Variants in CACNA1B observed in about 807,000 individuals in gnomAD.
CACNA1B encodes the protein voltage-dependent N-type calcium channel subunit alpha-1B.
A neutral mutation model predicts 247.2 loss-of-function variants in CACNA1B; 70 were observed. The observed-to-expected ratio is 0.28, with a 90% CI of 0.23 to 0.35. The LOEUF is 0.35. CACNA1B is among the 10% of genes least tolerant of loss of function. The pLI is 1.00. For missense variants in CACNA1B, 2,367 were observed against 3,197.4 expected (o/e 0.74, Z 6.26); for synonymous variants, 1,231 against 1,294.4 (o/e 0.95, Z 1.05).
chr9:138,056,929 T>A (rs1959521494), intron 26 of CACNA1B, among the ~76,000 whole-genome samples: 1 of 136,750 alleles, frequency 7.3e-6, no homozygotes, highest in Admixed American at 7.0e-5. Flanking sequence ...CATTTTTTAT[T>A]TGGGTTTTTT....
Position 138,022,969 on chromosome 9 carries a change from G to C in CACNA1B, c.2268-42G>C, listed in dbSNP as rs556363752. On this transcript the variant is annotated intron_variant, in intron 18 of 46. Coordinates refer to ENST00000371372, the MANE Select transcript of CACNA1B (RefSeq NM_000718.4). Reference sequence around the variant, plus strand: ...GTGGCCTCCCTGGAGAGCGGCGGGCGGGCGGCAGACGGGGCCGCGCTCACC... The same window carrying C: ...GTGGCCTCCCTGGAGAGCGGCGGGCCGGCGGCAGACGGGGCCGCGCTCACC... The C allele has an allele frequency of 3.5e-5, 51 of 1,450,446 alleles. 1 individual carries two copies. In the South Asian group the frequency reaches 6.8e-4, roughly 19 times the overall value. 89.8% of individuals were successfully genotyped at this position (1,450,446 alleles called of 1,614,324 possible).
Position 138,073,616 on chromosome 9 carries a change from G to A in CACNA1B, c.4791+12G>A, listed in dbSNP as rs1345108582. On this transcript the variant is annotated intron_variant, in intron 33 of 46. Coordinates refer to ENST00000371372, the MANE Select transcript of CACNA1B (RefSeq NM_000718.4). The surrounding 1 kb of genome is among the most constrained non-coding windows in gnomAD (Gnocchi z 6.4). The stretch of plus-strand genomic sequence containing the variant: ...TCCAGTCCTTCAAGGTGGGCCAGGC[G>A]GGGGGCCTCCATGCTTTCTGTCCCC... 5 of 1,445,320 alleles carry A rather than the reference G, an allele frequency of 3.5e-6. No individual in the cohort carries two copies. Among genetic ancestry groups the A allele is most frequent in the East Asian group, 2.3e-5 (1 of 44,148 alleles). The allele number at this position is 1,445,320 out of a possible 1,614,324, so 89.5% of individuals were successfully genotyped here.
intron 36 of CACNA1B, among the ~76,000 whole-genome samples, chr9:138,083,038 T>C (rs1440196034): frequency 1.3e-5 from 2 of 149,634 alleles, no homozygotes; most frequent in Admixed American, 1.3e-4. Context: ...CTCGGACACC[T>C]GCAGACCCTA....
At chr9:138,077,083 C>T (rs1960348645) in intron 35 of CACNA1B, among the ~76,000 whole-genome samples, 1 of 152,226 alleles carries the variant, frequency 6.6e-6, no homozygotes, top group South Asian at 2.1e-4. Context: ...TCACAGCTTT[C>T]TGTTTCTCCC....
intron 5 of CACNA1B, among the ~76,000 whole-genome samples, chr9:137,916,566 C>T (rs554755784): frequency 9.9e-5 from 15 of 152,188 alleles, no homozygotes; most frequent in African/African-American, 1.7e-4. Flanking sequence ...AGCCACCCTC[C>T]GGGTACATGT....
In CACNA1B at chr9:138,121,792, C is replaced by T. The variant is rs371097413; in HGVS notation, c.6813C>T (p.His2271=). The T allele has an allele frequency of 3.9e-5, 63 of 1,612,912 alleles. No individual in the cohort carries two copies. The African/African-American group carries it at 5.9e-4, about 15-fold the overall frequency. ...GQRLDSEASV[H]ALPEDTLTFE... is the part of the protein sequence containing the mutation. ...GTCTGGACAGTGAGGCCTCTGTCCA[C>T]GCCCTGCCTGAGGACACTCTCACTT... The change falls in exon 47 of 47, where the codon CAC becomes CAT. Residue 2271 remains histidine, a synonymous_variant. Transcript: ENST00000371372. This position sits in a 1 kb window ranked among gnomAD's most constrained non-coding sequence, Gnocchi z 6.8.
chr9:138,124,069 A>C lies in CACNA1B; in HGVS notation c.*2070A>C, dbSNP rs201963814. The C allele has an allele frequency of 6.6e-6, 1 of 152,202 alleles. No individual in the cohort carries two copies. Among genetic ancestry groups the C allele is most frequent in the Non-Finnish European group, 1.5e-5 (1 of 68,042 alleles). 9.4% of individuals were successfully genotyped at this position (152,202 alleles called of 1,614,324 possible). On this transcript the variant is annotated 3_prime_UTR_variant, in exon 47 of 47. Transcript: ENST00000371372. The stretch of plus-strand genomic sequence containing the variant: ...TAGACTCTTCTAGGCATTGGAATTG[A>C]TGAAAACTACAGGGAGCGGGGAAAG...
rs771869847 is a variant in CACNA1B at position 138,112,468 on chromosome 9, C to G, written c.5499C>G (p.Pro1833=). The G allele has an allele frequency of 3.0e-5, 49 of 1,613,212 alleles. 1 individual carries two copies. In the Middle Eastern group the frequency reaches 8.2e-4, roughly 27 times the overall value. The change falls in exon 40 of 47, where the codon CCC becomes CCG. Residue 1833 remains proline, a synonymous_variant. Transcript: ENST00000371372. ...TTTCCGTTGTGTGGGCCAATCTGCCCCAGAAGACTTTGGACTTGCTGGTAC... is the reference window on the plus strand; with the variant it reads ...TTTCCGTTGTGTGGGCCAATCTGCCGCAGAAGACTTTGGACTTGCTGGTAC... The part of the protein sequence containing the change: ...KEISVVWANL[P]QKTLDLLVPP...
chr9:137,954,856 T>TGTGTGTGTGTGTGTG lies in CACNA1B; in HGVS notation c.1071-842_1071-841insGTGTGTGTGTGTGTG, dbSNP rs1554737971. On this transcript the variant is annotated intron_variant, in intron 7 of 46. Coordinates refer to ENST00000371372, the MANE Select transcript of CACNA1B (RefSeq NM_000718.4). The surrounding 1 kb of genome is among the most constrained non-coding windows in gnomAD (Gnocchi z 4.1). ...ACACCCACTCCACCAACTCAGAAGC[T>TGTGTGTGTGTGTGTG]TGTGTGTGTGTGTGTGTGTGTGTGA... 3.9e-4 allele frequency among the ~76,000 whole-genome samples: 47 copies of TGTGTGTGTGTGTGTG among 120,986 alleles called. No individual in the cohort carries two copies. The highest frequency in any genetic ancestry group is 9.2e-4 in the East Asian group (3 of 3,278). 79.4% of individuals were successfully genotyped at this position (120,986 alleles called of 152,430 possible). A position where few individuals can be genotyped will look rare whatever the true frequency, so the allele number is the denominator to read the frequency against.
intron 3 of CACNA1B, among the ~76,000 whole-genome samples, chr9:137,893,664 T>G (rs571607143): frequency 2.0e-5 from 3 of 149,332 alleles, no homozygotes; most frequent in Admixed American, 6.7e-5. Flanking sequence ...AAAAAAAAAA[T>G]GAAACAAAAT....
Position 138,023,028 on chromosome 9 carries a change from C to G in CACNA1B, c.2285C>G (p.Ala762Gly). The G allele has an allele frequency of 6.6e-7, 1 of 1,517,598 alleles. No homozygotes were observed. Among genetic ancestry groups the G allele is most frequent in the African/African-American group, 1.4e-5 (1 of 70,250 alleles). The allele number at this position is 1,517,598 out of a possible 1,614,324, so 94.0% of individuals were successfully genotyped here. A position where few individuals can be genotyped will look rare whatever the true frequency, so the allele number is the denominator to read the frequency against. Residue 762 changes from alanine to glycine, a missense_variant, in exon 19 of 47, where the codon GCC becomes GGC. Ala to Gly is a moderately conservative substitution (Grantham distance 60). This residue lies in a region of CACNA1B where 631 missense variants were observed against 631.1 expected (regional missense o/e 1.00). Transcript: ENST00000371372. ...ISIAARQQNS[A>G]KARSVWEQRA... ...CCCCGCAGCAGGCAGCAGAACTCGGCCAAGGCGCGCTCGGTGTGGGAGCAG... is the reference window on the plus strand; with the variant it reads ...CCCCGCAGCAGGCAGCAGAACTCGGGCAAGGCGCGCTCGGTGTGGGAGCAG...
In CACNA1B at chr9:138,023,663, G is replaced by A; in HGVS notation, c.2920G>A (p.Glu974Lys). The A allele has an allele frequency of 1.3e-6, 2 of 1,489,948 alleles. No homozygotes were observed. The highest frequency in any genetic ancestry group is 1.8e-6 in the Non-Finnish European group (2 of 1,117,960). The allele number at this position is 1,489,948 out of a possible 1,614,324, so 92.3% of individuals were successfully genotyped here. ...AGPREAESGE[E>K]PARRHRARHK... ...GCCCCGGGAGGCGGAGAGCGGGGAG[G>A]AGCCGGCGCGGCGGCACCGGGCCCG... is the stretch of plus-strand genomic sequence containing the variant. The change falls in exon 19 of 47, where the codon GAG becomes AAG. Residue 974 changes from glutamate (E) to lysine (K), a missense_variant. This residue lies in a region of CACNA1B where 631 missense variants were observed against 631.1 expected (regional missense o/e 1.00). Transcript: ENST00000371372.
intron 20 of CACNA1B, chr9:138,032,804 A>AT (rs747453449): frequency 2.6e-6 from 1 of 385,344 alleles, no homozygotes; most frequent in East Asian, 8.7e-5. Flanking sequence ...TGCTTTCAAG[A>AT]TTTTTTTCCT....
At chr9:138,038,294 G>T (rs1959071304) in intron 20 of CACNA1B, among the ~76,000 whole-genome samples, 1 of 152,198 alleles carries the variant, frequency 6.6e-6, no homozygotes, top group Non-Finnish European at 1.5e-5. Flanking sequence ...GAGTTTGACA[G>T]TTATCTGGTT....
chr9:138,099,711 C>T (rs750513921), intron 37 of CACNA1B, among the ~76,000 whole-genome samples: 2 of 151,136 alleles, frequency 1.3e-5, no homozygotes, highest in Non-Finnish European at 2.9e-5. Flanking sequence ...TGGGTGTGCA[C>T]ATGTCTGTGG....
At position 138,037,912 on chromosome 9, in the gene CACNA1B, C is replaced by T. The variant is rs1427517764; in HGVS notation, c.3287-5862C>T. ...CCAGATCTGTGAGTTCAGTGAGGGTCGCAAAATGGTGAATTTATAATTTCA... is the reference window on the plus strand; with the variant it reads ...CCAGATCTGTGAGTTCAGTGAGGGTTGCAAAATGGTGAATTTATAATTTCA... On this transcript the variant is annotated intron_variant, in intron 20 of 46. Transcript: ENST00000371372. 2.6e-5 allele frequency among the ~76,000 whole-genome samples: 4 copies of T among 152,214 alleles called. No individual in the cohort carries two copies. In the South Asian group the frequency reaches 6.2e-4, roughly 24 times the overall value.
At chr9:138,089,140 C>T (rs1020201773) in intron 36 of CACNA1B, among the ~76,000 whole-genome samples, 1 of 151,896 alleles carries the variant, frequency 6.6e-6, no homozygotes, top group Non-Finnish European at 1.5e-5. Flanking sequence ...CTAGCATTAC[C>T]CTAATATAAA....
chr9:137,931,424 G>T (rs1957606678), intron 6 of CACNA1B, among the ~76,000 whole-genome samples: 1 of 152,116 alleles, frequency 6.6e-6, no homozygotes, highest in South Asian at 2.1e-4. Context: ...TGGAATGGGG[G>T]GCGTTGCAAA....
intron 20 of CACNA1B, among the ~76,000 whole-genome samples, chr9:138,027,708 A>AT (rs956173791): frequency 7.9e-5 from 12 of 152,032 alleles, no homozygotes; most frequent in Non-Finnish European, 1.5e-4. Flanking sequence ...GAGATCATAT[A>AT]TTTTTTTCTC....
Sources: allele counts gnomAD v4.1 joint callset (sites outside exome capture counted in the v4.1 genomes callset), GRCh38; gene constraint gnomAD v4.1.1; regional missense constraint gnomAD v4.1.1; non-coding constraint Gnocchi (gnomAD v3.1); transcripts MANE v1.5; gene names NCBI Gene and HGNC (gene_info 2026-07-23, HGNC 2026-07-21).